The following MPHOSPH10 variants were observed in gnomAD, a reference collection of about 807,000 sequenced individuals.
MPHOSPH10 encodes U3 small nucleolar ribonucleoprotein MPP10.
Under a neutral mutation model 77.3 loss-of-function variants are expected in MPHOSPH10, and 33 were observed. The ratio of observed to expected loss-of-function variants is 0.43; its 90% CI spans 0.32 to 0.57. MPHOSPH10 has a LOEUF of 0.57. Among genes scored for constraint, MPHOSPH10 ranks in the 20% least tolerant of loss-of-function variants. The pLI, the probability that MPHOSPH10 is intolerant of heterozygous loss-of-function variation, is 0.07. For synonymous variants in MPHOSPH10, 245 were observed against 268.0 expected, an observed-to-expected ratio of 0.91 and a Z score of 0.84; for missense variants, 708 against 780.1, an observed-to-expected ratio of 0.91 and a Z score of 1.10.
At chr2:71,142,629 C>T (rs1673633426) in intron 7 of MPHOSPH10, among the ~76,000 whole-genome samples, 1 of 152,164 alleles carries the variant, frequency 6.6e-6, no homozygotes, top group Non-Finnish European at 1.5e-5. Flanking sequence ...CAGAAAAATG[C>T]TGTGTAGCCA....
Position 71,134,765 on chromosome 2 carries a change from G to A in MPHOSPH10, c.1066G>A (p.Val356Ile), listed in dbSNP as rs1473386529. Residue 356 changes from valine (V) to isoleucine (I), a missense_variant, in exon 4 of 11, where the codon GTT becomes ATT. By Grantham distance (29) the Val-to-Ile change is conservative. Transcript: ENST00000244230. ...AAATGTAAAGAAAAATTCTGATGAA[G>A]TTAAATCCTCCTTTGAAAAAAGACA... ...VLNVKKNSDE[V>I]KSSFEKRQEK... 1 of 1,596,182 alleles carries A rather than the reference G, an allele frequency of 6.3e-7. No homozygotes were observed. Among genetic ancestry groups the A allele is most frequent in the Admixed American group, 1.8e-5 (1 of 55,652 alleles).
chr2:71,149,801 AT>A, intron 10 of MPHOSPH10, 64 bp from the exon 11 acceptor site: 1 of 1,352,844 alleles, frequency 7.4e-7, no homozygotes, highest in Non-Finnish European at 1.0e-6. Flanking sequence ...GTGATGTACT[AT>A]TTTTGGCTTT....
At chr2:71,146,953 T>A (rs1673721089) in intron 8 of MPHOSPH10, among the ~76,000 whole-genome samples, 1 of 152,230 alleles carries the variant, frequency 6.6e-6, no homozygotes. Context: ...AATTACTGGA[T>A]TTCTTGGGTA....
chr2:71,136,848 C>CTTTTTTTTTTTTTTTTTT (rs60456435), intron 4 of MPHOSPH10, among the ~76,000 whole-genome samples: 1 of 118,644 alleles, frequency 8.4e-6, no homozygotes, highest in African/African-American at 3.2e-5. Context: ...AACTTTCAAC[C>CTTTTTTTTTTTTTTTTTT]TTTTTTTTTT....
rs1291906982 is a variant in MPHOSPH10, at chr2:71,148,984, T to C, written c.1666-239T>C. 6 of 517,356 alleles carry C rather than the reference T, an allele frequency of 1.2e-5. 1 individual carries two copies. The highest frequency in any genetic ancestry group is 5.0e-4 in the Middle Eastern group (1 of 2,012). 32.0% of individuals were successfully genotyped at this position (517,356 alleles called of 1,614,324 possible). A position where few individuals can be genotyped will look rare whatever the true frequency, so the allele number is the denominator to read the frequency against. On this transcript the variant is annotated intron_variant, in intron 9 of 10. Coordinates refer to ENST00000244230, the MANE Select transcript of MPHOSPH10 (RefSeq NM_005791.3). ...ACTCTCCATGTTGCCTTCTTGTGAATTAGTTTGGGAACTGAACCGTCACTA... is the reference window on the plus strand; with the variant it reads ...ACTCTCCATGTTGCCTTCTTGTGAACTAGTTTGGGAACTGAACCGTCACTA...
At chr2:71,145,736 C>T (rs1159999710) in intron 8 of MPHOSPH10, among the ~76,000 whole-genome samples, 1 of 152,054 alleles carries the variant, frequency 6.6e-6, no homozygotes, top group Non-Finnish European at 1.5e-5. Context: ...CTGGCTCTTC[C>T]CACCCCTTTG....
chr2:71,147,375 T>G (rs1673735634), intron 8 of MPHOSPH10, among the ~76,000 whole-genome samples: 1 of 152,192 alleles, frequency 6.6e-6, no homozygotes, highest in South Asian at 2.1e-4. Context: ...AGAAATGTTA[T>G]GTAAAAATGT....
At chr2:71,135,852 G>A (rs1359891813) in intron 4 of MPHOSPH10, among the ~76,000 whole-genome samples, 2 of 151,222 alleles carry the variant, frequency 1.3e-5, no homozygotes, top group Non-Finnish European at 2.9e-5. Context: ...ACAGATGCCC[G>A]CCACCACGCC....
chr2:71,138,720 T>C, intron 5 of MPHOSPH10, 89 bp downstream of exon 5: 1 of 1,552,136 alleles, frequency 6.4e-7, no homozygotes, highest in Non-Finnish European at 8.8e-7. Context: ...TTCTTTTCCC[T>C]CAACTTTTTA....
intron 1 of MPHOSPH10, 113 bp downstream of exon 1, chr2:71,130,867 C>G (rs886315586): frequency 2.0e-6 from 2 of 1,020,094 alleles, no homozygotes; most frequent in African/African-American, 3.3e-5. Flanking sequence ...CGTAAAATCG[C>G]TTTTCCCCAA....
At chr2:71,142,276 A>G (rs1360243948) in intron 7 of MPHOSPH10, among the ~76,000 whole-genome samples, 1 of 152,186 alleles carries the variant, frequency 6.6e-6, no homozygotes, top group Admixed American at 6.5e-5. Flanking sequence ...CCACTGTGAA[A>G]CTGAAGAACT....
At chr2:71,142,652 A>G (rs1159336574) in intron 7 of MPHOSPH10, among the ~76,000 whole-genome samples, 1 of 152,236 alleles carries the variant, frequency 6.6e-6, no homozygotes, top group Non-Finnish European at 1.5e-5. Context: ...ATATAGCTAC[A>G]TATTTGATTT....
At position 71,134,817 on chromosome 2, in the gene MPHOSPH10, A is replaced by G; in HGVS notation, c.1098+20A>G. The G allele has an allele frequency of 6.7e-7, 1 of 1,491,662 alleles. No homozygotes were observed. The highest frequency in any genetic ancestry group is 1.4e-5 in the African/African-American group (1 of 70,854). The allele number at this position is 1,491,662 out of a possible 1,614,324, so 92.4% of individuals were successfully genotyped here. On this transcript the variant is annotated intron_variant, in intron 4 of 10. Transcript: ENST00000244230. Reference sequence around the variant, plus strand: ...GAAAAGGTAATTAGTAATTTAAGGAATTTTTAATATACTTGATATTAACCA... The same window carrying G: ...GAAAAGGTAATTAGTAATTTAAGGAGTTTTTAATATACTTGATATTAACCA...
Position 71,133,989 on chromosome 2 carries a change from TGATC to T in MPHOSPH10, c.811_814del (p.Asp271GlnfsTer8). The T allele has an allele frequency of 6.3e-7, 1 of 1,591,338 alleles. No individual in the cohort carries two copies. The highest frequency in any genetic ancestry group is 8.6e-7 in the Non-Finnish European group (1 of 1,169,044). On this transcript the variant is annotated frameshift_variant, in exon 3 of 11. Transcript: ENST00000244230. LOFTEE classifies it high-confidence loss of function. ...GAAATCTGAAATACAAAGATTTTTT[TGATC>T]CAGTTGAAAGTGATGAAGACATAAC...
chr2:71,144,493 C>G lies in MPHOSPH10; in HGVS notation c.1512C>G (p.Phe504Leu). Residue 504 changes from phenylalanine to leucine, a missense_variant, in exon 8 of 11, where the codon TTC becomes TTG. Coordinates refer to ENST00000244230, the MANE Select transcript of MPHOSPH10 (RefSeq NM_005791.3). ...VEIQKMMDSLFLKLDALSNFH... is the reference protein window; with the variant it reads ...VEIQKMMDSLLLKLDALSNFH... ...TTCAGAAGATGATGGATTCCCTCTT[C>G]TTAAAATTGGATGCCCTCTCAAACT... 3 of 1,614,174 alleles carry G rather than the reference C, an allele frequency of 1.9e-6. No homozygotes were observed. Among genetic ancestry groups the G allele is most frequent in the Non-Finnish European group, 2.5e-6 (3 of 1,180,014 alleles).
chr2:71,141,016 T>C (rs565981550), intron 6 of MPHOSPH10, among the ~76,000 whole-genome samples: 7 of 151,870 alleles, frequency 4.6e-5, no homozygotes, highest in East Asian at 3.9e-4. Flanking sequence ...ATTTCAGGAG[T>C]TGAAAATTTT....
intron 10 of MPHOSPH10, 84 bp from the exon 11 acceptor site, chr2:71,149,782 G>A: frequency 8.6e-7 from 1 of 1,165,286 alleles, no homozygotes; most frequent in African/African-American, 1.5e-5. Flanking sequence ...TGCATACATT[G>A]TTGTAATGGT....
chr2:71,139,718 C>A, intron 5 of MPHOSPH10, 77 bp from the exon 6 acceptor site: 1 of 955,306 alleles, frequency 1.0e-6, no homozygotes, highest in South Asian at 1.6e-5. Context: ...GTTGCTGATG[C>A]TGTGGGTCCA....
intron 4 of MPHOSPH10, among the ~76,000 whole-genome samples, chr2:71,137,426 A>G (rs1673517907): frequency 6.6e-6 from 1 of 152,082 alleles, no homozygotes; most frequent in Middle Eastern, 3.2e-3. Context: ...TGGGAGACCA[A>G]GGCAGGAGGA....
Sources: gnomAD v4.1 joint callset for allele counts (sites outside exome capture counted in the v4.1 genomes callset) on GRCh38, gnomAD v4.1.1 for gene constraint, MANE v1.5 for transcripts, NCBI Gene and HGNC (gene_info 2026-07-23, HGNC 2026-07-21) for gene names.